Variants in PCSK6 observed in about 807,000 individuals in gnomAD.
The protein encoded by PCSK6 is paired basic amino acid cleaving enzyme 4.
PCSK6 carries 85 observed loss-of-function variants against 123.3 expected under a neutral mutation model. The ratio of observed to expected loss-of-function variants is 0.69; its 90% CI spans 0.58 to 0.83. PCSK6 has a LOEUF of 0.83. Ranked by LOEUF, PCSK6 falls within the 40% of genes least tolerant of loss-of-function variation. The pLI is 0.00. For missense variants in PCSK6, 1,191 were observed against 1,282.3 expected (o/e 0.93, Z 1.09); for synonymous variants, 508 against 516.0 (o/e 0.98, Z 0.21).
At chr15:101,435,928 G>A (rs894254555) in intron 2 of PCSK6, among the ~76,000 whole-genome samples, 5 of 152,196 alleles carry the variant, frequency 3.3e-5, no homozygotes, top group African/African-American at 7.2e-5. Flanking sequence ...TCCTTTCAGC[G>A]AGCAGCCATG....
intron 1 of PCSK6, among the ~76,000 whole-genome samples, chr15:101,479,149 C>T (rs2057805828): frequency 6.6e-6 from 1 of 152,104 alleles, no homozygotes; most frequent in Admixed American, 6.5e-5. Context: ...CGAGCCCCTC[C>T]GTGGAGCTCG....
intron 5 of PCSK6, 31 bp from the exon 6 acceptor site, chr15:101,428,011 G>T: frequency 6.6e-7 from 1 of 1,526,244 alleles, no homozygotes; most frequent in Non-Finnish European, 8.9e-7. Context: ...AAGTGAGGAC[G>T]CAGCCCAGCA....
At chr15:101,316,024 C>T (rs1412845407) in intron 19 of PCSK6, among the ~76,000 whole-genome samples, 1 of 152,234 alleles carries the variant, frequency 6.6e-6, no homozygotes, top group Non-Finnish European at 1.5e-5. Context: ...TGTGCCCAGG[C>T]CCCTGGGTGG....
Position 101,305,046 on chromosome 15 carries a change from A to C in PCSK6, c.*212T>G. 1.9e-6 allele frequency: 1 copy of C among 539,900 alleles called. No individual in the cohort carries two copies. The highest frequency in any genetic ancestry group is 2.6e-5 in the South Asian group (1 of 38,544). The allele number at this position is 539,900 out of a possible 1,614,324, so 33.4% of individuals were successfully genotyped here. ...AGTTTGTCGGAAGACTGGAGCCAAC[A>C]AGCAGCATTTGAGAGGATATCACCA... On this transcript the variant is annotated 3_prime_UTR_variant, in exon 22 of 22. Transcript: ENST00000611716. The surrounding 1 kb of genome is among the most constrained non-coding windows in gnomAD (Gnocchi z 4.8).
At chr15:101,384,449 G>C (rs373666035) in intron 9 of PCSK6, 24 bp from the exon 10 acceptor site, 72 of 1,597,002 alleles carry the variant, frequency 4.5e-5, no homozygotes, top group Non-Finnish European at 5.8e-5. Flanking sequence ...ACACACCCTA[G>C]AGTCCACACA....
At chr15:101,378,509 G>A (rs558750918) in intron 11 of PCSK6, among the ~76,000 whole-genome samples, 11 of 152,346 alleles carry the variant, frequency 7.2e-5, no homozygotes, top group South Asian at 6.2e-4. Context: ...GCCCTACCCC[G>A]TGTGGGCTCC....
chr15:101,472,255 C>T (rs568197592), intron 1 of PCSK6, among the ~76,000 whole-genome samples: 21 of 152,302 alleles, frequency 1.4e-4, no homozygotes, highest in Non-Finnish European at 2.5e-4. Flanking sequence ...TATGAAGGGG[C>T]CGACGCAGAA....
chr15:101,342,639 C>T (rs956852505), intron 13 of PCSK6, among the ~76,000 whole-genome samples: 2 of 152,150 alleles, frequency 1.3e-5, no homozygotes, highest in East Asian at 1.9e-4. Flanking sequence ...CGGTGGCTCA[C>T]GCCTGTAATC....
intron 1 of PCSK6, among the ~76,000 whole-genome samples, chr15:101,450,481 C>T (rs567771074): frequency 1.3e-5 from 2 of 152,330 alleles, no homozygotes; most frequent in Admixed American, 1.3e-4. Flanking sequence ...CCAGACATGG[C>T]TATGACACCC....
At chr15:101,487,411 T>C (rs560715798) in intron 1 of PCSK6, among the ~76,000 whole-genome samples, 1 of 152,320 alleles carries the variant, frequency 6.6e-6, no homozygotes, top group African/African-American at 2.4e-5. Context: ...GAATCTTCTC[T>C]CCCATCCGCA....
At chr15:101,425,721 C>T (rs2056233846) in intron 6 of PCSK6, among the ~76,000 whole-genome samples, 1 of 152,178 alleles carries the variant, frequency 6.6e-6, no homozygotes, top group South Asian at 2.1e-4. Flanking sequence ...TCTATCCCTA[C>T]ATTTTCCAGA....
At chr15:101,458,259 C>T (rs963433738) in intron 1 of PCSK6, among the ~76,000 whole-genome samples, 2 of 152,316 alleles carry the variant, frequency 1.3e-5, no homozygotes, top group Non-Finnish European at 2.9e-5. Context: ...GTGATAGGGA[C>T]GTGAAACCCA....
At chr15:101,307,079 C>T (rs1169886998) in intron 21 of PCSK6, 134 bp downstream of exon 21, 1 of 653,780 alleles carries the variant, frequency 1.5e-6, no homozygotes. Flanking sequence ...CCCAGACAGT[C>T]AATCGGATCA....
intron 11 of PCSK6, among the ~76,000 whole-genome samples, chr15:101,375,023 G>A (rs1474661622): frequency 6.6e-6 from 1 of 151,312 alleles, no homozygotes; most frequent in East Asian, 1.9e-4. Flanking sequence ...TGCTATCTCA[G>A]CTTACGGTAA....
chr15:101,347,397 AT>A, intron 13 of PCSK6: 2 of 1,237,060 alleles, frequency 1.6e-6, no homozygotes, highest in Middle Eastern at 6.2e-4. Context: ...GAAATCAAGA[AT>A]TCATGGAACT....
intron 13 of PCSK6, among the ~76,000 whole-genome samples, chr15:101,355,572 C>G (rs2041012538): frequency 6.6e-6 from 1 of 152,250 alleles, no homozygotes; most frequent in Admixed American, 6.5e-5. Context: ...AAACACCCCT[C>G]ACACCCATGC....
chr15:101,447,710 T>C (rs1332588423), intron 1 of PCSK6, among the ~76,000 whole-genome samples: 1 of 152,262 alleles, frequency 6.6e-6, no homozygotes, highest in Non-Finnish European at 1.5e-5. Context: ...CAGGTGTTCC[T>C]CCCTGCTCAG....
At chr15:101,473,922 TG>T (rs2057665723) in intron 1 of PCSK6, among the ~76,000 whole-genome samples, 1 of 152,164 alleles carries the variant, frequency 6.6e-6, no homozygotes, top group Non-Finnish European at 1.5e-5. Flanking sequence ...AATGAATGAA[TG>T]AATGGTTGTG....
intron 1 of PCSK6, among the ~76,000 whole-genome samples, chr15:101,444,210 C>A (rs1216106356): frequency 1.3e-5 from 2 of 152,178 alleles, no homozygotes; most frequent in Non-Finnish European, 2.9e-5. Flanking sequence ...TCCGAGGTGT[C>A]CCAATTTTCT....
Sources: gnomAD v4.1 joint callset for allele counts (sites outside exome capture counted in the v4.1 genomes callset) on GRCh38, gnomAD v4.1.1 for gene constraint, Gnocchi (gnomAD v3.1) non-coding constraint, MANE v1.5 for transcripts, NCBI Gene and HGNC (gene_info 2026-07-23, HGNC 2026-07-21) for gene names.